NTM: variants seen among roughly 807,000 people sequenced by gnomAD.
The protein encoded by NTM is IgLON family member 2.
NTM carries 13 observed loss-of-function variants against 42.1 expected under a neutral mutation model. The ratio of observed to expected loss-of-function variants is 0.31; its 90% CI spans 0.20 to 0.49. The LOEUF (loss-of-function observed/expected upper bound fraction) is 0.49, where lower values mean the gene tolerates loss of function less well. NTM is among the 20% of genes least tolerant of loss of function. NTM has a pLI of 0.99. For synonymous variants in NTM, 187 were observed against 179.2 expected, an observed-to-expected ratio of 1.04 and a Z score of -0.35; for missense variants, 373 against 452.8, an observed-to-expected ratio of 0.82 and a Z score of 1.60.
At chr11:132,176,709 A>G (rs1389094343) in intron 3 of NTM, among the ~76,000 whole-genome samples, 1 of 142,244 alleles carries the variant, frequency 7.0e-6, no homozygotes, top group Non-Finnish European at 1.5e-5. Flanking sequence ...CTAGTTGAGT[A>G]TACATGCCTA....
At chr11:131,638,542 G>A (rs1220681443) in intron 1 of NTM, among the ~76,000 whole-genome samples, 5 of 140,364 alleles carry the variant, frequency 3.6e-5, no homozygotes, top group Non-Finnish European at 7.5e-5. Context: ...TTCCAGCCTA[G>A]GTGACACAGC....
At chr11:131,533,084 T>G (rs1327938391) in intron 1 of NTM, among the ~76,000 whole-genome samples, 1 of 152,152 alleles carries the variant, frequency 6.6e-6, no homozygotes, top group African/African-American at 2.4e-5. Flanking sequence ...TTAAATAATT[T>G]TTATTGTTGT....
intron 3 of NTM, among the ~76,000 whole-genome samples, chr11:132,148,246 G>A (rs549911271): frequency 1.2e-4 from 19 of 152,320 alleles, no homozygotes; most frequent in African/African-American, 3.8e-4. Flanking sequence ...TACAAAGAGT[G>A]GAGTAGGTAT....
chr11:132,052,982 A>G (rs904169767), intron 2 of NTM, among the ~76,000 whole-genome samples: 8 of 152,184 alleles, frequency 5.3e-5, no homozygotes, highest in African/African-American at 1.9e-4. Context: ...ACAACAACAA[A>G]ATACTGCTTT....
intron 1 of NTM, among the ~76,000 whole-genome samples, chr11:131,507,851 C>G (rs1307824043): frequency 6.6e-6 from 1 of 151,496 alleles, no homozygotes; most frequent in South Asian, 2.1e-4. Flanking sequence ...TGATTTGGCT[C>G]TCTGTTTGTC....
chr11:131,572,305 A>G (rs974688404), intron 1 of NTM, among the ~76,000 whole-genome samples: 1 of 152,166 alleles, frequency 6.6e-6, no homozygotes, highest in Non-Finnish European at 1.5e-5. Context: ...CAAGATTCCC[A>G]TCCCAGAACC....
chr11:132,335,182 GCCACCA>G lies in NTM; in HGVS notation c.*46_*51del. ...ACTTCCCCACCCGGGAAAGGCTGCC[GCCACCA>G]CCACCACCAACACAACAGCAATGGC... On this transcript the variant is annotated 3_prime_UTR_variant, in exon 9 of 9. Transcript: ENST00000683400. 4 of 1,606,954 alleles carry G rather than the reference GCCACCA, an allele frequency of 2.5e-6. No homozygotes were observed. Among genetic ancestry groups the G allele is most frequent in the Non-Finnish European group, 3.4e-6 (4 of 1,178,216 alleles).
At chr11:131,931,438 C>CA (rs891595151) in intron 2 of NTM, among the ~76,000 whole-genome samples, 28 of 143,052 alleles carry the variant, frequency 2.0e-4, no homozygotes, top group African/African-American at 3.9e-4. Flanking sequence ...GACAGTGCCT[C>CA]AAAAAAAAAA....
At chr11:131,675,932 C>G (rs955457568) in intron 1 of NTM, among the ~76,000 whole-genome samples, 1 of 152,200 alleles carries the variant, frequency 6.6e-6, no homozygotes, top group Admixed American at 6.5e-5. Context: ...GGGTCCAGAT[C>G]CATAATCTGG....
intron 1 of NTM, among the ~76,000 whole-genome samples, chr11:131,562,231 T>G (rs2056329030): frequency 6.6e-6 from 1 of 151,792 alleles, no homozygotes; most frequent in South Asian, 2.1e-4. Context: ...TCATCCGCAG[T>G]GGGGGAGGTG....
chr11:131,534,423 T>G (rs982807879), intron 1 of NTM: 5 of 152,286 alleles, frequency 3.3e-5, no homozygotes, highest in African/African-American at 1.2e-4. Context: ...AGAATTAAGT[T>G]TTAGTTATTA....
chr11:131,763,760 C>A (rs2135834363), intron 1 of NTM, among the ~76,000 whole-genome samples: 2 of 92,886 alleles, frequency 2.2e-5, no homozygotes, highest in Non-Finnish European at 2.1e-5. Flanking sequence ...ATTTCCTTTT[C>A]CCCTCCATTC....
At chr11:131,520,868 A>G (rs2049547811) in intron 1 of NTM, among the ~76,000 whole-genome samples, 1 of 152,276 alleles carries the variant, frequency 6.6e-6, no homozygotes, top group Non-Finnish European at 1.5e-5. Flanking sequence ...TAATTTATAA[A>G]TAGAAGAGGT....
chr11:132,210,593 C>T (rs145310858), intron 3 of NTM, among the ~76,000 whole-genome samples: 2 of 152,286 alleles, frequency 1.3e-5, no homozygotes, highest in African/African-American at 4.8e-5. Context: ...ACTCCATCCA[C>T]TTGAATGTTA....
chr11:131,776,520 G>T (rs2087002548), intron 1 of NTM, among the ~76,000 whole-genome samples: 1 of 151,982 alleles, frequency 6.6e-6, no homozygotes, highest in Non-Finnish European at 1.5e-5. Context: ...TTTCCAGCTT[G>T]CTAGGCCTGT....
At chr11:131,891,081 C>A (rs1302486789) in intron 1 of NTM, among the ~76,000 whole-genome samples, 3 of 152,260 alleles carry the variant, frequency 2.0e-5, no homozygotes, top group African/African-American at 7.2e-5. Context: ...TAGATGACTT[C>A]TATGAGTCTT....
chr11:131,476,195 GTTC>G (rs545563463), intron 1 of NTM, among the ~76,000 whole-genome samples: 5 of 152,166 alleles, frequency 3.3e-5, no homozygotes, highest in Non-Finnish European at 7.3e-5. Flanking sequence ...CCTAGGGTAT[GTTC>G]TTCTAGAAAA....
At chr11:131,626,930 G>T (rs563432462) in intron 1 of NTM, among the ~76,000 whole-genome samples, 2 of 152,338 alleles carry the variant, frequency 1.3e-5, no homozygotes, top group East Asian at 3.9e-4. Flanking sequence ...ATGAATTACA[G>T]CTGCCTGGGC....
chr11:131,659,267 G>A (rs1420076859), intron 1 of NTM, among the ~76,000 whole-genome samples: 1 of 152,244 alleles, frequency 6.6e-6, no homozygotes, highest in African/African-American at 2.4e-5. Flanking sequence ...GACCCTTAAA[G>A]TGTTGTGCTC....
Sources: gnomAD v4.1 joint callset for allele counts (sites outside exome capture counted in the v4.1 genomes callset) on GRCh38, gnomAD v4.1.1 for gene constraint, MANE v1.5 for transcripts, NCBI Gene and HGNC (gene_info 2026-07-23, HGNC 2026-07-21) for gene names.